Variants in SGMS2 observed in about 807,000 individuals in gnomAD.
SGMS2 encodes phosphatidylcholine:ceramide cholinephosphotransferase 2.
In SGMS2, 21 loss-of-function variants were observed where a neutral mutation model predicts 43.8. That is an observed-to-expected ratio of 0.48 (90% CI 0.34 to 0.69). The LOEUF (loss-of-function observed/expected upper bound fraction) is 0.69. Ranked by LOEUF, SGMS2 falls within the 30% of genes least tolerant of loss-of-function variation. The pLI, the probability that SGMS2 is intolerant of heterozygous loss-of-function variation, is 0.01. For synonymous variants in SGMS2, 167 were observed against 160.6 expected, an observed-to-expected ratio of 1.04 and a Z score of -0.30; for missense variants, 384 against 443.2, an observed-to-expected ratio of 0.87 and a Z score of 1.20.
chr4:107,897,635 C>T (rs1730785775), intron 3 of SGMS2, among the ~76,000 whole-genome samples: 1 of 152,164 alleles, frequency 6.6e-6, no homozygotes, highest in African/African-American at 2.4e-5. Flanking sequence ...TTATTATTAA[C>T]TGCCTCTACC....
At chr4:107,838,169 A>G (rs546535163) in intron 1 of SGMS2, among the ~76,000 whole-genome samples, 63 of 152,310 alleles carry the variant, frequency 4.1e-4, no homozygotes, top group African/African-American at 1.5e-3. Flanking sequence ...GGACCGAAAG[A>G]ACAATGTCCC....
chr4:107,859,959 GT>G (rs113120586), intron 2 of SGMS2, among the ~76,000 whole-genome samples: 16,972 of 149,242 alleles, frequency 0.11, 1,325 homozygotes, highest in African/African-American at 0.21. Context: ...AAGGATTACT[GT>G]TTTTTTTTTC....
At chr4:107,908,866 C>T (rs1731840996) in intron 6 of SGMS2, 135 bp downstream of exon 6, 1 of 689,242 alleles carries the variant, frequency 1.5e-6, no homozygotes, top group South Asian at 2.6e-5. Context: ...TCCATTACTG[C>T]TTTTTAAAAT....
At position 107,861,456 on chromosome 4, in the gene SGMS2, C is replaced by T. The variant is rs566933358; in HGVS notation, c.-245+2903C>T. Among the ~76,000 whole-genome samples, 273 of 152,290 alleles carry T rather than the reference C, an allele frequency of 1.8e-3. 4 individuals carry two copies. Among genetic ancestry groups the T allele is most frequent in the South Asian group, 4.1e-4 (2 of 4,832 alleles). ...CTTCAGGAGGTCCACCTATCAACTA[C>T]GAACCCCAAATTAGAAAACTTGCTT... On this transcript the variant is annotated intron_variant, in intron 2 of 6. Transcript: ENST00000690982.
chr4:107,839,056 T>A (rs1726354315), intron 1 of SGMS2, among the ~76,000 whole-genome samples: 1 of 152,204 alleles, frequency 6.6e-6, no homozygotes, highest in South Asian at 2.1e-4. Context: ...CTTGGACATT[T>A]CATTTGTACC....
chr4:107,914,721 C>G lies in SGMS2; in HGVS notation c.*4168C>G, dbSNP rs1732348830. The G allele has an allele frequency of 6.6e-6, 1 of 152,020 alleles. No homozygotes were observed. The highest frequency in any genetic ancestry group is 2.4e-5 in the African/African-American group (1 of 41,398). 9.4% of individuals were successfully genotyped at this position (152,020 alleles called of 1,614,324 possible). A position where few individuals can be genotyped will look rare whatever the true frequency, so the allele number is the denominator to read the frequency against. On this transcript the variant is annotated 3_prime_UTR_variant, in exon 7 of 7. Coordinates refer to ENST00000690982, the MANE Select transcript of SGMS2 (RefSeq NM_001375905.1). ...GCTCTTTTTTCCTACCCACCAGTAC[C>G]TTAATCATTGGTTTATCACATTGGA...
chr4:107,842,501 T>TG (rs1726577894), intron 1 of SGMS2, among the ~76,000 whole-genome samples: 1 of 152,138 alleles, frequency 6.6e-6, no homozygotes, highest in Admixed American at 6.5e-5. Context: ...CCTCCAACAC[T>TG]GGGGATTACA....
intron 2 of SGMS2, chr4:107,873,269 C>A (rs1273911467): frequency 6.6e-6 from 1 of 151,224 alleles, no homozygotes; most frequent in Non-Finnish European, 1.5e-5. Flanking sequence ...TACGATTTGT[C>A]AGAGAAGGTA....
intron 2 of SGMS2, among the ~76,000 whole-genome samples, chr4:107,859,549 G>T (rs1349231975): frequency 6.6e-6 from 1 of 152,110 alleles, no homozygotes; most frequent in African/African-American, 2.4e-5. Flanking sequence ...CCTTTGTCTG[G>T]TGGTGTCTGT....
At chr4:107,903,774 C>A (rs1373977718) in intron 5 of SGMS2, among the ~76,000 whole-genome samples, 1 of 152,092 alleles carries the variant, frequency 6.6e-6, no homozygotes, top group East Asian at 1.9e-4. Context: ...GATGTAATGA[C>A]CTTTGAATTA....
In SGMS2 at chr4:107,854,831, G is replaced by A. The variant is rs551210941; in HGVS notation, c.-326-3641G>A. Among the ~76,000 whole-genome samples the A allele has an allele frequency of 5.3e-5, 8 of 152,258 alleles. No homozygotes were observed. In the East Asian group the frequency reaches 7.7e-4, roughly 15 times the overall value. ...AAACAGTGAAAAACTATCAAGTGAC[G>A]TCATATGGCGGTCTTCCCTGGTCTG... On this transcript the variant is annotated intron_variant, in intron 1 of 6. Transcript: ENST00000690982.
intron 4 of SGMS2, among the ~76,000 whole-genome samples, chr4:107,900,907 C>T (rs1221876415): frequency 6.6e-6 from 1 of 151,958 alleles, no homozygotes; most frequent in Non-Finnish European, 1.5e-5. Context: ...AAACACTGGC[C>T]GATTTTAGTG....
chr4:107,876,459 C>G (rs961106219), intron 2 of SGMS2, among the ~76,000 whole-genome samples: 1 of 152,148 alleles, frequency 6.6e-6, no homozygotes, highest in Non-Finnish European at 1.5e-5. Context: ...GCTTAAATCT[C>G]AAAACAGAGA....
intron 1 of SGMS2, among the ~76,000 whole-genome samples, chr4:107,852,746 A>ATTTTT (rs56359938): frequency 2.0e-5 from 3 of 146,662 alleles, no homozygotes; most frequent in Admixed American, 6.8e-5. Context: ...CTTGTTTCTC[A>ATTTTT]TTTTTTTTTT....
At chr4:107,869,532 T>C (rs910948623) in intron 2 of SGMS2, among the ~76,000 whole-genome samples, 2 of 152,102 alleles carry the variant, frequency 1.3e-5, no homozygotes, top group African/African-American at 4.8e-5. Context: ...TAAGAAACAA[T>C]AGATGTCAGA....
chr4:107,834,075 G>A (rs1726039895), intron 1 of SGMS2, among the ~76,000 whole-genome samples: 1 of 152,138 alleles, frequency 6.6e-6, no homozygotes, highest in African/African-American at 2.4e-5. Context: ...AACTGTAGGA[G>A]AAAAAAATCT....
chr4:107,898,145 T>A (rs4956139), intron 3 of SGMS2, among the ~76,000 whole-genome samples: 128,583 of 152,124 alleles, frequency 0.85, 55,775 homozygotes, highest in East Asian at 0.97. Flanking sequence ...TCAGCACTGT[T>A]TATTACCTGC....
At chr4:107,832,750 G>A (rs759396760) in intron 1 of SGMS2, among the ~76,000 whole-genome samples, 1 of 152,214 alleles carries the variant, frequency 6.6e-6, no homozygotes, top group South Asian at 2.1e-4. Context: ...TTGATAGACT[G>A]GGTACTGTGG....
At chr4:107,882,096 G>A (rs1396367492) in intron 2 of SGMS2, among the ~76,000 whole-genome samples, 1 of 152,104 alleles carries the variant, frequency 6.6e-6, no homozygotes, top group African/African-American at 2.4e-5. Flanking sequence ...TCTTTGATAT[G>A]CTGATTTTCT....
Sources: gnomAD v4.1 joint callset for allele counts (sites outside exome capture counted in the v4.1 genomes callset) on GRCh38, gnomAD v4.1.1 for gene constraint, MANE v1.5 for transcripts, NCBI Gene and HGNC (gene_info 2026-07-23, HGNC 2026-07-21) for gene names.